Variants in BZW2 observed in about 807,000 individuals in gnomAD.
BZW2 encodes the protein eIF5-mimic protein 1.
In BZW2, 23 loss-of-function variants were observed where a neutral mutation model predicts 53.2. The ratio of observed to expected loss-of-function variants is 0.43; its 90% CI spans 0.31 to 0.61. BZW2 has a LOEUF of 0.61. Ranked by LOEUF, BZW2 falls within the 20% of genes least tolerant of loss-of-function variation. BZW2 has a pLI of 0.09. For missense variants in BZW2, 409 were observed against 503.1 expected, an observed-to-expected ratio of 0.81 and a Z score of 1.79; for synonymous variants, 227 against 186.4, an observed-to-expected ratio of 1.22 and a Z score of -1.77.
At position 16,703,738 on chromosome 7, in the gene BZW2, T is replaced by C. The variant is rs75843617; in HGVS notation, c.1109-809T>C. Among the ~76,000 whole-genome samples the C allele has an allele frequency of 3.8e-3, 574 of 152,320 alleles. 1 individual carries two copies. The highest frequency in any genetic ancestry group is 0.013 in the African/African-American group (520 of 41,578). On this transcript the variant is annotated intron_variant, in intron 10 of 11. Coordinates refer to ENST00000258761, the MANE Select transcript of BZW2 (RefSeq NM_014038.3). ...GGGAGACTATGTACACTTATTTTTA[T>C]ATTCTCCTTCCTATTCTTAACATTA...
At chr7:16,683,261 A>G (rs1430042625) in intron 5 of BZW2, among the ~76,000 whole-genome samples, 2 of 152,256 alleles carry the variant, frequency 1.3e-5, no homozygotes, top group African/African-American at 2.4e-5. Context: ...ATATGTAATA[A>G]CATGTATGTG....
rs781187973 is a variant in BZW2 at position 16,674,384 on chromosome 7, A to G, written c.59-28A>G. Reference sequence around the variant, plus strand: ...CTCTCAGTATTTATTTATTTATTTGACTGTTATTTTGAATTGTTTTATTTT... The same window carrying G: ...CTCTCAGTATTTATTTATTTATTTGGCTGTTATTTTGAATTGTTTTATTTT... On this transcript the variant is annotated intron_variant, in intron 2 of 11. Transcript: ENST00000258761. The G allele has an allele frequency of 1.6e-5, 23 of 1,475,696 alleles. No homozygotes were observed. In the Admixed American group the frequency reaches 2.4e-4, roughly 15 times the overall value. The allele number at this position is 1,475,696 out of a possible 1,614,324, so 91.4% of individuals were successfully genotyped here.
chr7:16,653,088 C>G (rs570582172), intron 1 of BZW2, among the ~76,000 whole-genome samples: 1 of 152,014 alleles, frequency 6.6e-6, no homozygotes, highest in Non-Finnish European at 1.5e-5. Context: ...ACCTGCTAGA[C>G]AGGCTTGGGC....
chr7:16,657,681 CT>C (rs796198655), intron 1 of BZW2, among the ~76,000 whole-genome samples: 17 of 150,854 alleles, frequency 1.1e-4, no homozygotes, highest in South Asian at 2.1e-4. Context: ...TAGTGATAAA[CT>C]TTTTTTTTTC....
chr7:16,663,492 C>A (rs697515), intron 1 of BZW2, among the ~76,000 whole-genome samples: 86,839 of 151,228 alleles, frequency 0.57, 25,356 homozygotes, highest in African/African-American at 0.69. Flanking sequence ...ATTAACTTGA[C>A]GTTTTCAATA....
intron 5 of BZW2, among the ~76,000 whole-genome samples, chr7:16,683,884 A>G (rs951358623): frequency 2.5e-4 from 38 of 151,734 alleles, no homozygotes; most frequent in African/African-American, 9.2e-4. Context: ...ACTGCACCCC[A>G]CCCCACCCAG....
At chr7:16,696,754 T>C (rs184684368) in intron 8 of BZW2, among the ~76,000 whole-genome samples, 161 bp from the exon 9 acceptor site, 6 of 152,314 alleles carry the variant, frequency 3.9e-5, no homozygotes, top group Admixed American at 2.0e-4. Flanking sequence ...ATCATTATAG[T>C]TTTTCTCCCT....
chr7:16,689,768 G>T, intron 6 of BZW2, 29 bp from the exon 7 acceptor site: 1 of 1,567,594 alleles, frequency 6.4e-7, no homozygotes, highest in Admixed American at 1.8e-5. Flanking sequence ...CTCGTAAAAG[G>T]AATGAAATTC....
intron 4 of BZW2, 57 bp downstream of exon 4, chr7:16,681,461 A>C: frequency 7.1e-7 from 1 of 1,400,286 alleles, no homozygotes. Context: ...AACTCTATAG[A>C]AGCTCTACAG....
intron 1 of BZW2, among the ~76,000 whole-genome samples, chr7:16,659,944 G>T (rs1782210602): frequency 6.6e-6 from 1 of 151,940 alleles, no homozygotes; most frequent in East Asian, 1.9e-4. Context: ...TTGGTGTGCT[G>T]CACCCATTAA....
chr7:16,705,138 C>T (rs1783798057), intron 11 of BZW2, among the ~76,000 whole-genome samples: 1 of 150,924 alleles, frequency 6.6e-6, no homozygotes, highest in Non-Finnish European at 1.5e-5. Context: ...GGGTGGATCA[C>T]CTGAGGTCAG....
intron 5 of BZW2, among the ~76,000 whole-genome samples, chr7:16,685,599 T>C (rs1783092229): frequency 6.6e-6 from 1 of 152,200 alleles, no homozygotes. Context: ...TGCATGCACA[T>C]AGTCAAACAT....
chr7:16,681,316 G>A lies in BZW2; in HGVS notation c.251G>A (p.Arg84His), dbSNP rs975997772. The part of the protein sequence containing the change: ...AGSMLAPGGT[R>H]IDDGDKTKMT... ...CTCTTTTTAGCCCCTGGAGGAACGC[G>A]CATAGATGATGGTGACAAGACCAAG... Residue 84 changes from arginine (R) to histidine (H), a missense_variant, in exon 4 of 12, where the codon CGC (arginine) becomes CAC (histidine). By Grantham distance (29) the Arg-to-His change is conservative (BLOSUM62 0). Around this residue, in one of 3 missense-constraint regions of BZW2, gnomAD observed 316 missense variants for 366.8 expected, o/e 0.86. Transcript: ENST00000258761. 2.5e-6 allele frequency: 4 copies of A among 1,613,602 alleles called. No individual in the cohort carries two copies. The highest frequency in any genetic ancestry group is 2.2e-5 in the East Asian group (1 of 44,890).
chr7:16,653,521 G>A (rs936711338), intron 1 of BZW2, among the ~76,000 whole-genome samples: 3 of 152,230 alleles, frequency 2.0e-5, no homozygotes, highest in African/African-American at 7.2e-5. Context: ...CAGTTAGCAA[G>A]GCCAGTGTTG....
Position 16,695,058 on chromosome 7 carries a change from A to G in BZW2, c.822+54A>G. 6 of 1,455,512 alleles carry G rather than the reference A, an allele frequency of 4.1e-6. No individual in the cohort carries two copies. The South Asian group carries it at 9.1e-5, about 22-fold the overall frequency. The allele number at this position is 1,455,512 out of a possible 1,614,324, so 90.2% of individuals were successfully genotyped here. The stretch of plus-strand genomic sequence containing the variant: ...AATACACATGAATGAGAGGAATTAC[A>G]TGGGCTGTGTAGCAAAGGCTTTCCT... On this transcript the variant is annotated intron_variant, in intron 8 of 11. Coordinates refer to ENST00000258761, the MANE Select transcript of BZW2 (RefSeq NM_014038.3).
chr7:16,666,997 C>T (rs368929364), intron 2 of BZW2, among the ~76,000 whole-genome samples: 9 of 147,808 alleles, frequency 6.1e-5, no homozygotes, highest in African/African-American at 2.2e-4. Context: ...AATAGCTGAA[C>T]TGGGGCCAGG....
intron 10 of BZW2, among the ~76,000 whole-genome samples, chr7:16,701,922 CACCTA>C (rs1783680893): frequency 6.6e-6 from 1 of 152,096 alleles, no homozygotes; most frequent in Admixed American, 6.6e-5. Context: ...AGAGGGAGGG[CACCTA>C]ACTTGTTAAA....
intron 1 of BZW2, among the ~76,000 whole-genome samples, chr7:16,662,871 A>G (rs938841380): frequency 1.3e-5 from 2 of 152,224 alleles, no homozygotes; most frequent in Admixed American, 6.5e-5. Flanking sequence ...ATTTCTGTCC[A>G]GTTGAGCTAC....
chr7:16,699,642 C>T (rs750604409), intron 10 of BZW2, among the ~76,000 whole-genome samples: 23 of 151,982 alleles, frequency 1.5e-4, no homozygotes, highest in Non-Finnish European at 2.8e-4. Flanking sequence ...ACATCGTTGT[C>T]GGAGTCTCAT....
Sources: gnomAD v4.1 joint callset for allele counts (sites outside exome capture counted in the v4.1 genomes callset) on GRCh38, gnomAD v4.1.1 for gene constraint, gnomAD v4.1.1 regional missense constraint, MANE v1.5 for transcripts, NCBI Gene and HGNC (gene_info 2026-07-23, HGNC 2026-07-21) for gene names.